HELZ: variants seen among roughly 807,000 people sequenced by gnomAD.
HELZ encodes ATP-dependent RNA helicase with zinc finger domain.
HELZ carries 23 observed loss-of-function variants against 218.2 expected under a neutral mutation model. The observed-to-expected ratio is 0.11, with a 90% CI of 0.08 to 0.15. The LOEUF is 0.15. Ranked by LOEUF, HELZ falls within the 10% of genes least tolerant of loss-of-function variation. HELZ has a pLI of 1.00. For synonymous variants in HELZ, 814 were observed against 829.4 expected (o/e 0.98, Z 0.32); for missense variants, 1,813 against 2,353.7 (o/e 0.77, Z 4.75).
intron 12 of HELZ, among the ~76,000 whole-genome samples, chr17:67,179,164 C>A (rs1047952042): frequency 6.6e-6 from 1 of 151,784 alleles, no homozygotes; most frequent in Non-Finnish European, 1.5e-5. Flanking sequence ...TTTTATCAGG[C>A]TAGGACATAC....
In HELZ at chr17:67,174,750, C is replaced by T. The variant is rs766244479; in HGVS notation, c.1430+3909G>A. On this transcript the variant is annotated intron_variant, in intron 13 of 32. Transcript: ENST00000358691. ...GAGGCGGAGGTTCTGGTGAGCGAGACTGCACCATTGCACTCCAGCCTGGGC... is the reference window on the plus strand; with the variant it reads ...GAGGCGGAGGTTCTGGTGAGCGAGATTGCACCATTGCACTCCAGCCTGGGC... 2.8e-4 allele frequency among the ~76,000 whole-genome samples: 42 copies of T among 152,124 alleles called. No homozygotes were observed. In the Middle Eastern group the frequency reaches 0.01, roughly 37 times the overall value.
At chr17:67,183,163 A>T (rs923308411) in intron 12 of HELZ, among the ~76,000 whole-genome samples, 3 of 152,198 alleles carry the variant, frequency 2.0e-5, no homozygotes, top group Non-Finnish European at 4.4e-5. Context: ...GCCCAAATTA[A>T]CAATAAAATA....
intron 31 of HELZ, among the ~76,000 whole-genome samples, chr17:67,096,819 G>A (rs763946844): frequency 6.6e-6 from 1 of 152,158 alleles, no homozygotes; most frequent in Non-Finnish European, 1.5e-5. Flanking sequence ...CAGCCATAAG[G>A]CTGTTTCATT....
intron 3 of HELZ, among the ~76,000 whole-genome samples, chr17:67,220,075 C>T (rs2040704523): frequency 1.3e-5 from 2 of 152,200 alleles, no homozygotes; most frequent in South Asian, 2.1e-4. Flanking sequence ...CCACCTTAAC[C>T]GCTGGCCTTA....
chr17:67,215,631 G>A (rs1362449734), intron 5 of HELZ, among the ~76,000 whole-genome samples: 1 of 152,146 alleles, frequency 6.6e-6, no homozygotes, highest in Non-Finnish European at 1.5e-5. Flanking sequence ...ACAGGTGTGA[G>A]CCACCACACC....
chr17:67,117,912 T>C (rs1465952185), intron 27 of HELZ, among the ~76,000 whole-genome samples: 2 of 152,080 alleles, frequency 1.3e-5, no homozygotes, highest in South Asian at 2.1e-4. Context: ...TGGAGAGATA[T>C]ATACTCCGTT....
intron 6 of HELZ, among the ~76,000 whole-genome samples, chr17:67,201,530 C>T (rs1306604889): frequency 6.6e-6 from 1 of 152,074 alleles, no homozygotes; most frequent in Non-Finnish European, 1.5e-5. Flanking sequence ...TGTTTTTAAC[C>T]CTTTTCCTAA....
intron 3 of HELZ, among the ~76,000 whole-genome samples, chr17:67,235,531 A>G (rs2143470608): frequency 6.6e-6 from 1 of 151,852 alleles, no homozygotes; most frequent in Non-Finnish European, 1.5e-5. Context: ...GAGAGACAAC[A>G]GAAGCCAGAA....
intron 32 of HELZ, among the ~76,000 whole-genome samples, chr17:67,080,817 G>A (rs2036165630): frequency 6.6e-6 from 1 of 152,184 alleles, no homozygotes; most frequent in Non-Finnish European, 1.5e-5. Flanking sequence ...AACCTGGGAT[G>A]AGTCCTGAAG....
intron 3 of HELZ, among the ~76,000 whole-genome samples, chr17:67,235,929 T>G (rs1348381384): frequency 1.3e-5 from 2 of 151,772 alleles, no homozygotes; most frequent in Non-Finnish European, 2.9e-5. Flanking sequence ...CCCGGCTAAT[T>G]TTTTGTATTT....
At chr17:67,127,288 C>G (rs559578883) in intron 24 of HELZ, among the ~76,000 whole-genome samples, 1 of 152,322 alleles carries the variant, frequency 6.6e-6, no homozygotes, top group Admixed American at 6.5e-5. Flanking sequence ...ACAATAACAT[C>G]TGGCACATAG....
intron 5 of HELZ, among the ~76,000 whole-genome samples, chr17:67,206,170 C>T (rs1450290449): frequency 1.3e-5 from 2 of 152,214 alleles, no homozygotes; most frequent in East Asian, 3.8e-4. Flanking sequence ...AAAAAAGTTA[C>T]AGCTCCTTGC....
At chr17:67,160,704 TA>T (rs1233404776) in intron 16 of HELZ, among the ~76,000 whole-genome samples, 192 bp downstream of exon 16, 1 of 152,204 alleles carries the variant, frequency 6.6e-6, no homozygotes, top group African/African-American at 2.4e-5. Context: ...CTACCAATTC[TA>T]AAAACAGTAT....
chr17:67,123,835 G>A (rs2037697696), intron 25 of HELZ, 128 bp downstream of exon 25: 1 of 725,098 alleles, frequency 1.4e-6, no homozygotes, highest in Non-Finnish European at 2.5e-6. Flanking sequence ...GTGTGTGTGT[G>A]TGTGTGTGTG....
Position 67,103,059 on chromosome 17 carries a change from C to T in HELZ, c.5241+4110G>A, listed in dbSNP as rs534804516. Among the ~76,000 whole-genome samples the T allele has an allele frequency of 2.0e-5, 3 of 152,264 alleles. No individual in the cohort carries two copies. In the East Asian group the frequency reaches 5.8e-4, roughly 29 times the overall value. ...CATAAAACCTATAAAAACTTTGGCA[C>T]ACAGTTCCCCCTCATATCATGAACT... On this transcript the variant is annotated intron_variant, in intron 31 of 32. Coordinates refer to ENST00000358691, the MANE Select transcript of HELZ (RefSeq NM_014877.4).
chr17:67,165,706 A>T (rs1250730380), intron 15 of HELZ, among the ~76,000 whole-genome samples: 1 of 152,254 alleles, frequency 6.6e-6, no homozygotes, highest in East Asian at 1.9e-4. Context: ...TCTTCATTAC[A>T]TGTAAAGACA....
Position 67,123,003 on chromosome 17 carries a change from A to G in HELZ, c.3597T>C (p.Tyr1199=). 1 of 1,613,450 alleles carries G rather than the reference A, an allele frequency of 6.2e-7. No homozygotes were observed. Among genetic ancestry groups the G allele is most frequent in the South Asian group, 1.1e-5 (1 of 91,050 alleles). ...GTSILYVPAV[Y]GGNVVMSVPL... is the part of the protein sequence containing the mutation. ...GCACCGACATAACTACATTCCCTCC[A>G]TAGACAGCAGGTACATAAAGAATAC... Residue 1199 remains tyrosine (Y), a synonymous_variant, in exon 26 of 33, where the codon TAT becomes TAC. Transcript: ENST00000358691.
At chr17:67,098,654 G>A (rs1254664648) in intron 31 of HELZ, among the ~76,000 whole-genome samples, 1 of 152,082 alleles carries the variant, frequency 6.6e-6, no homozygotes, top group African/African-American at 2.4e-5. Context: ...TGACACAGGA[G>A]AATTGCTTGA....
chr17:67,182,519 C>T (rs1376370998), intron 12 of HELZ, among the ~76,000 whole-genome samples: 1 of 152,164 alleles, frequency 6.6e-6, no homozygotes, highest in Non-Finnish European at 1.5e-5. Flanking sequence ...TTAACTTTAA[C>T]AGTGACTTAT....
Sources: allele counts gnomAD v4.1 joint callset (sites outside exome capture counted in the v4.1 genomes callset), GRCh38; gene constraint gnomAD v4.1.1; transcripts MANE v1.5; gene names NCBI Gene and HGNC (gene_info 2026-07-23, HGNC 2026-07-21).